The following AVEN variants were observed in gnomAD, a reference collection of about 807,000 sequenced individuals.
AVEN encodes apoptosis and caspase activation inhibitor.
AVEN carries 41 observed loss-of-function variants against 38.1 expected under a neutral mutation model. The ratio of observed to expected loss-of-function variants is 1.08; its 90% CI spans 0.84 to 1.40. The LOEUF (loss-of-function observed/expected upper bound fraction) is 1.40. Among genes scored for constraint, AVEN ranks in the 40% most tolerant of loss-of-function variants. The probability of loss-of-function intolerance (pLI) is 0.00; values close to 1 mark genes in which losing one functional copy is unlikely to be tolerated. For missense variants in AVEN, 605 were observed against 438.8 expected, an observed-to-expected ratio of 1.38 and a Z score of -3.38; for synonymous variants, 206 against 171.8, an observed-to-expected ratio of 1.20 and a Z score of -1.56.
chr15:34,049,005 AAAC>A (rs931679740), intron 5 of AVEN, among the ~76,000 whole-genome samples: 34 of 152,290 alleles, frequency 2.2e-4, no homozygotes, highest in African/African-American at 7.2e-4. Flanking sequence ...AACAAACAGA[AAAC>A]AACAACATCA....
downstream of AVEN, chr15:33,865,816 TTTGTGTTCCA>T (rs1292654651): frequency 6.5e-6 from 1 of 152,742 alleles, no homozygotes; most frequent in Non-Finnish European, 1.5e-5. Context: ...GTTTTTTATG[TTTGTGTTCCA>T]GAAGGACAGT....
chr15:33,954,171 T>C (rs1025681278), intron 2 of AVEN, among the ~76,000 whole-genome samples: 3 of 152,254 alleles, frequency 2.0e-5, no homozygotes, highest in Middle Eastern at 3.4e-3. Context: ...GGAGAGGATG[T>C]GGAAAAATAG....
chr15:34,009,394 T>G (rs535949315), intron 1 of AVEN, among the ~76,000 whole-genome samples: 1 of 152,334 alleles, frequency 6.6e-6, no homozygotes, highest in South Asian at 2.1e-4. Context: ...TTCTCTTGTC[T>G]TCCCTTTACT....
intron 11 of AVEN, chr15:33,861,038 T>TA (rs753715375): frequency 1.6e-5 from 22 of 1,415,220 alleles, no homozygotes; most frequent in Non-Finnish European, 2.1e-5. Context: ...CTGCCTATAT[T>TA]ATGCCAACAA....
At chr15:34,027,733 G>GCAAA (rs1306746465) in intron 1 of AVEN, among the ~76,000 whole-genome samples, 1 of 150,792 alleles carries the variant, frequency 6.6e-6, no homozygotes, top group Non-Finnish European at 1.5e-5. Flanking sequence ...TTCACTCTGT[G>GCAAA]CAAACAGTCC....
intron 2 of AVEN, among the ~76,000 whole-genome samples, chr15:33,917,401 G>A (rs925202758): frequency 1.4e-5 from 2 of 142,100 alleles, no homozygotes; most frequent in Non-Finnish European, 3.0e-5. Flanking sequence ...CACACACATG[G>A]AATACTACTA....
intron 1 of AVEN, among the ~76,000 whole-genome samples, chr15:34,021,524 A>G (rs911210307): frequency 6.6e-6 from 1 of 152,006 alleles, no homozygotes; most frequent in African/African-American, 2.4e-5. Flanking sequence ...ACCTCAGGTG[A>G]GCCACCGCGC....
intron 5 of AVEN, chr15:34,062,898 C>T (rs764211174): frequency 1.2e-6 from 2 of 1,614,226 alleles, no homozygotes; most frequent in East Asian, 2.2e-5. Flanking sequence ...CAACAGCCAG[C>T]TCAAGACAGT....
intron 2 of AVEN, among the ~76,000 whole-genome samples, chr15:33,989,763 T>C (rs1896638372): frequency 6.6e-6 from 1 of 152,016 alleles, no homozygotes; most frequent in Admixed American, 6.6e-5. Flanking sequence ...AAATATGACA[T>C]TGATCAGAAG....
At chr15:33,943,983 C>T (rs926636510) in intron 2 of AVEN, among the ~76,000 whole-genome samples, 1 of 151,750 alleles carries the variant, frequency 6.6e-6, no homozygotes, top group Non-Finnish European at 1.5e-5. Flanking sequence ...ATTCTTTCTC[C>T]TCAGCCTCAT....
chr15:33,922,257 T>C (rs1893424644), intron 2 of AVEN, among the ~76,000 whole-genome samples: 1 of 152,114 alleles, frequency 6.6e-6, no homozygotes, highest in Non-Finnish European at 1.5e-5. Context: ...ACCACAGGCA[T>C]TGCTTCTAAG....
intron 1 of AVEN, among the ~76,000 whole-genome samples, chr15:34,029,528 A>G (rs906181025): frequency 6.7e-6 from 1 of 149,472 alleles, no homozygotes; most frequent in Non-Finnish European, 1.5e-5. Context: ...AAAAAAAAAA[A>G]AAAAAAAAAA....
At chr15:33,885,985 G>T (rs1369875837) in intron 2 of AVEN, among the ~76,000 whole-genome samples, 2 of 152,132 alleles carry the variant, frequency 1.3e-5, no homozygotes, top group African/African-American at 4.8e-5. Context: ...TGACAAAGCT[G>T]AATAAATAAG....
At chr15:34,041,483 A>G (rs1370894036), upstream of AVEN, among the ~76,000 whole-genome samples, 1 of 152,220 alleles carries the variant, frequency 6.6e-6, no homozygotes, top group Non-Finnish European at 1.5e-5. Context: ...AAGGAACTAT[A>G]TAACTATCCC....
intron 2 of AVEN, among the ~76,000 whole-genome samples, chr15:33,914,854 T>A (rs1003051069): frequency 6.6e-6 from 1 of 152,104 alleles, no homozygotes; most frequent in Non-Finnish European, 1.5e-5. Context: ...ATGTATTCCT[T>A]AGCTCTCACC....
At chr15:34,001,512 C>T (rs1205425881) in intron 2 of AVEN, among the ~76,000 whole-genome samples, 1 of 152,182 alleles carries the variant, frequency 6.6e-6, no homozygotes, top group African/African-American at 2.4e-5. Flanking sequence ...CTAACCAGCT[C>T]ATATTTTACC....
chr15:33,975,732 C>T (rs1415534941), intron 2 of AVEN, among the ~76,000 whole-genome samples: 5 of 152,106 alleles, frequency 3.3e-5, no homozygotes, highest in Non-Finnish European at 5.9e-5. Context: ...GAGTTCAAGA[C>T]CAGCCTGACC....
At chr15:33,997,865 G>A (rs889151484) in intron 2 of AVEN, among the ~76,000 whole-genome samples, 1 of 152,026 alleles carries the variant, frequency 6.6e-6, no homozygotes, top group Non-Finnish European at 1.5e-5. Flanking sequence ...TATGAGTCAG[G>A]GAAAAGTATA....
rs566293383 is a variant in AVEN at position 33,868,437 on chromosome 15, C to T, written c.613-582G>A. On this transcript the variant is annotated intron_variant, in intron 4 of 5. Transcript: ENST00000306730. ...TGGAGAGTGTCTAGTCCCAGCTACT[C>T]GGGAGGCTGAGGCAGGAGAATGGCG... Among the ~76,000 whole-genome samples the T allele has an allele frequency of 4.0e-5, 6 of 148,568 alleles. No individual in the cohort carries two copies. The South Asian group carries it at 6.5e-4, about 16-fold the overall frequency.
Sources: gnomAD v4.1 joint callset for allele counts (sites outside exome capture counted in the v4.1 genomes callset) on GRCh38, gnomAD v4.1.1 for gene constraint, MANE v1.5 for transcripts, NCBI Gene and HGNC (gene_info 2026-07-23, HGNC 2026-07-21) for gene names.